Variants in CCDC15 observed in about 807,000 individuals in gnomAD.
The protein encoded by CCDC15 is coiled-coil domain-containing protein 15.
In CCDC15, 105 loss-of-function variants were observed where a neutral mutation model predicts 114.5. The observed-to-expected ratio is 0.92, with a 90% CI of 0.78 to 1.08. The LOEUF is 1.08. Ranked by LOEUF, CCDC15 falls within the 50% of genes least tolerant of loss-of-function variation. CCDC15 has a pLI of 0.00. For missense variants in CCDC15, 1,105 were observed against 1,093.6 expected (o/e 1.01, Z -0.15); for synonymous variants, 334 against 377.8 (o/e 0.88, Z 1.34).
intron 11 of CCDC15, among the ~76,000 whole-genome samples, chr11:125,002,652 G>A (rs539616962): frequency 6.6e-6 from 1 of 151,940 alleles, no homozygotes; most frequent in African/African-American, 2.4e-5. Context: ...TTAAAAAGCC[G>A]TTTATTTTTC....
intron 4 of CCDC15, among the ~76,000 whole-genome samples, chr11:124,966,849 T>C (rs113731463): frequency 2.6e-5 from 4 of 152,314 alleles, no homozygotes; most frequent in African/African-American, 9.6e-5. Context: ...GGGGAGAAAA[T>C]CTCTCAGCAT....
intron 6 of CCDC15, among the ~76,000 whole-genome samples, chr11:124,984,559 A>C (rs1948126470): frequency 6.6e-6 from 1 of 152,062 alleles, no homozygotes; most frequent in South Asian, 2.1e-4. Flanking sequence ...CCCACTACAG[A>C]TACTCCTTTA....
intron 6 of CCDC15, among the ~76,000 whole-genome samples, chr11:124,985,709 T>C (rs968686123): frequency 1.3e-5 from 2 of 150,516 alleles, no homozygotes; most frequent in African/African-American, 4.9e-5. Flanking sequence ...TAAGTGTTTA[T>C]ATATATATAA....
chr11:125,039,791 GTA>G (rs1283385688), intron 15 of CCDC15, among the ~76,000 whole-genome samples: 1 of 150,672 alleles, frequency 6.6e-6, no homozygotes, highest in Non-Finnish European at 1.5e-5. Flanking sequence ...GGCATGTTTG[GTA>G]TATTTTCTCT....
Position 124,987,405 on chromosome 11 carries a change from G to T in CCDC15, c.1179G>T (p.Leu393=), listed in dbSNP as rs376666689. 1 of 1,613,984 alleles carries T rather than the reference G, an allele frequency of 6.2e-7. No individual in the cohort carries two copies. Among genetic ancestry groups the T allele is most frequent in the African/African-American group, 1.3e-5 (1 of 75,048 alleles). Reference sequence around the variant, plus strand: ...AGACAGAAACTCAGGGTATTATGCTGAAAGCCCAGAGTATTGAGCTAGAAG... The same window carrying T: ...AGACAGAAACTCAGGGTATTATGCTTAAAGCCCAGAGTATTGAGCTAGAAG... The part of the protein sequence containing the change: ...PIKTETQGIM[L]KAQSIELEEG... The change falls in exon 8 of 16, where the codon CTG becomes CTT. Residue 393 remains leucine (L), a synonymous_variant. Transcript: ENST00000344762.
chr11:125,014,102 T>C (rs1212493177), intron 13 of CCDC15, among the ~76,000 whole-genome samples: 1 of 152,112 alleles, frequency 6.6e-6, no homozygotes, highest in Non-Finnish European at 1.5e-5. Context: ...CCCACTGGGT[T>C]GGGGGAGGGG....
At chr11:125,037,288 A>C (rs1052449066) in intron 13 of CCDC15, among the ~76,000 whole-genome samples, 2 of 152,186 alleles carry the variant, frequency 1.3e-5, no homozygotes, top group East Asian at 3.9e-4. Flanking sequence ...TACTCTACCT[A>C]ATGTTCTGTG....
chr11:124,981,004 T>G (rs1389405171), intron 6 of CCDC15, among the ~76,000 whole-genome samples: 1 of 152,238 alleles, frequency 6.6e-6, no homozygotes, highest in African/African-American at 2.4e-5. Context: ...ATTTCTGCCT[T>G]AATTTCATTA....
In CCDC15 at chr11:124,986,807, A is replaced by G. The variant is rs1948173101; in HGVS notation, c.819A>G (p.Lys273=). The G allele has an allele frequency of 6.4e-7, 1 of 1,553,754 alleles. No homozygotes were observed. Among genetic ancestry groups the G allele is most frequent in the Non-Finnish European group, 8.7e-7 (1 of 1,147,792 alleles). ...CTCTTGTAACTGATGAGAAAGGGAA[A>G]GAAGATTTGTTTGGGAGAGGCCAGC... The part of the protein sequence containing the change: ...SSSLVTDEKG[K]EDLFGRGQQD... Residue 273 remains lysine (K), a synonymous_variant, in exon 7 of 16, where the codon AAA becomes AAG. Coordinates refer to ENST00000344762, the MANE Select transcript of CCDC15 (RefSeq NM_025004.3).
At chr11:125,029,965 CT>C (rs1466723399) in intron 13 of CCDC15, among the ~76,000 whole-genome samples, 1 of 152,178 alleles carries the variant, frequency 6.6e-6, no homozygotes, top group African/African-American at 2.4e-5. Flanking sequence ...CTGTATCTCC[CT>C]TTTTTAGCCT....
intron 13 of CCDC15, among the ~76,000 whole-genome samples, chr11:125,028,400 A>T (rs1054079928): frequency 1.3e-5 from 2 of 152,042 alleles, no homozygotes; most frequent in African/African-American, 2.4e-5. Context: ...TGAGGATGGG[A>T]TGTGTTTCCA....
At chr11:125,035,381 T>C (rs1411717470) in intron 13 of CCDC15, among the ~76,000 whole-genome samples, 1 of 152,050 alleles carries the variant, frequency 6.6e-6, no homozygotes, top group Non-Finnish European at 1.5e-5. Context: ...TTTTGTCTGA[T>C]ATTAGTATAG....
At chr11:124,995,072 A>G (rs1948341885) in intron 11 of CCDC15, among the ~76,000 whole-genome samples, 1 of 152,120 alleles carries the variant, frequency 6.6e-6, no homozygotes, top group Non-Finnish European at 1.5e-5. Flanking sequence ...GCCTAAGGGT[A>G]TGCTGCTGTG....
chr11:125,008,371 A>G (rs1221373077), intron 13 of CCDC15, among the ~76,000 whole-genome samples: 1 of 152,174 alleles, frequency 6.6e-6, no homozygotes, highest in African/African-American at 2.4e-5. Flanking sequence ...TGTATATTAA[A>G]CTTGTATCCT....
rs369710570 is a variant in CCDC15 at position 124,960,089 on chromosome 11, G to A, written c.516+86G>A. 33 of 1,001,370 alleles carry A rather than the reference G, an allele frequency of 3.3e-5. No individual in the cohort carries two copies. In the East Asian group the frequency reaches 3.5e-4, roughly 11 times the overall value. 62.0% of individuals were successfully genotyped at this position (1,001,370 alleles called of 1,614,324 possible). A position where few individuals can be genotyped will look rare whatever the true frequency, so the allele number is the denominator to read the frequency against. On this transcript the variant is annotated intron_variant, in intron 4 of 15. Transcript: ENST00000344762. ...ATATGACATCTAGGGTATGAGGTAG[G>A]GATTAAGAGTTATCACACTCAGCTT...
chr11:124,997,292 A>C (rs888549206), intron 11 of CCDC15, among the ~76,000 whole-genome samples: 8 of 152,250 alleles, frequency 5.3e-5, no homozygotes, highest in African/African-American at 1.9e-4. Context: ...TCATTTTTTA[A>C]ATTATTGTTA....
rs776540259 is a variant in CCDC15, at chr11:125,039,078, C to A, written c.2734+9C>A. ...CTATAAAAACCACAGAGGTAAGTTT[C>A]TTGAAGGAATAGTCAGGGCCTAATG... On this transcript the variant is annotated intron_variant, in intron 15 of 15. Transcript: ENST00000344762. 3.8e-6 allele frequency: 6 copies of A among 1,579,332 alleles called. No homozygotes were observed. Among genetic ancestry groups the A allele is most frequent in the Non-Finnish European group, 5.2e-6 (6 of 1,158,748 alleles).
At chr11:125,001,715 T>C (rs1249206953) in intron 11 of CCDC15, among the ~76,000 whole-genome samples, 1 of 152,244 alleles carries the variant, frequency 6.6e-6, no homozygotes, top group African/African-American at 2.4e-5. Flanking sequence ...TCCATTGATG[T>C]AGCATATAGC....
intron 11 of CCDC15, among the ~76,000 whole-genome samples, chr11:124,996,058 G>A (rs139954282): frequency 0.015 from 2,220 of 152,074 alleles, 32 homozygotes; most frequent in Non-Finnish European, 0.017. Context: ...TCAAACTCCT[G>A]ACCTCAGGTG....
Sources: allele counts gnomAD v4.1 joint callset (sites outside exome capture counted in the v4.1 genomes callset), GRCh38; gene constraint gnomAD v4.1.1; transcripts MANE v1.5; gene names NCBI Gene and HGNC (gene_info 2026-07-23, HGNC 2026-07-21).